The following SP4 variants were observed in gnomAD, a reference collection of about 807,000 sequenced individuals.
SP4 encodes Sp4 transcription factor, also known as transcription factor Sp4.
SP4 carries 19 observed loss-of-function variants against 72.8 expected under a neutral mutation model. The observed-to-expected ratio is 0.26, with a 90% CI of 0.18 to 0.38. The LOEUF (loss-of-function observed/expected upper bound fraction) is 0.38. Ranked by LOEUF, SP4 falls within the 10% of genes least tolerant of loss-of-function variation. SP4 has a pLI of 1.00. For synonymous variants in SP4, 395 were observed against 333.1 expected (o/e 1.19, Z -2.02); for missense variants, 1,008 against 926.3 (o/e 1.09, Z -1.14).
chr7:21,481,883 A>G lies in SP4; in HGVS notation c.1908-41A>G, dbSNP rs752866909. On this transcript the variant is annotated intron_variant, in intron 4 of 5. Transcript: ENST00000222584. Reference sequence around the variant, plus strand: ...ATTTTTCTATAATTGTAAACCTACTATTTGGCAGTGTAATTAATGTTCGGT... The same window carrying G: ...ATTTTTCTATAATTGTAAACCTACTGTTTGGCAGTGTAATTAATGTTCGGT... The G allele has an allele frequency of 3.7e-6, 5 of 1,345,938 alleles. No individual in the cohort carries two copies. The South Asian group carries it at 4.7e-5, about 13-fold the overall frequency. The allele number at this position is 1,345,938 out of a possible 1,614,324, so 83.4% of individuals were successfully genotyped here.
At chr7:21,489,034 C>T (rs949006592) in intron 5 of SP4, among the ~76,000 whole-genome samples, 2 of 152,116 alleles carry the variant, frequency 1.3e-5, no homozygotes, top group African/African-American at 4.8e-5. Flanking sequence ...AATTCTTTTT[C>T]ACCAGCTAAG....
chr7:21,462,863 G>A (rs1784039899), intron 3 of SP4, among the ~76,000 whole-genome samples: 1 of 152,192 alleles, frequency 6.6e-6, no homozygotes, highest in Non-Finnish European at 1.5e-5. Flanking sequence ...AGAGTATTGA[G>A]AAAAGTTCAG....
Position 21,455,326 on chromosome 7 carries a change from A to G in SP4, c.1679-21753A>G, listed in dbSNP as rs186646247. On this transcript the variant is annotated intron_variant, in intron 3 of 5. Transcript: ENST00000222584. ...TTTGTCCAGTTTATTTTTAGGCCAA[A>G]CAGTATTACAAAGGAAAACTAGTTT... Among the ~76,000 whole-genome samples the G allele has an allele frequency of 9.2e-4, 140 of 152,304 alleles. 1 individual carries two copies. The highest frequency in any genetic ancestry group is 2.2e-4 in the Non-Finnish European group (15 of 68,040).
chr7:21,428,524 C>A (rs1177258611), intron 1 of SP4, among the ~76,000 whole-genome samples, 153 bp from the exon 2 acceptor site: 17 of 152,156 alleles, frequency 1.1e-4, no homozygotes, highest in Admixed American at 1.1e-3. Context: ...TCCCTTCCCT[C>A]CTTCTCCCCC....
intron 3 of SP4, among the ~76,000 whole-genome samples, chr7:21,447,396 C>T (rs1488583790): frequency 6.6e-6 from 1 of 152,176 alleles, no homozygotes; most frequent in Non-Finnish European, 1.5e-5. Context: ...ACTTGGACTT[C>T]TGGTTAGTGT....
chr7:21,463,609 A>G (rs1784069782), intron 3 of SP4, among the ~76,000 whole-genome samples: 1 of 152,210 alleles, frequency 6.6e-6, no homozygotes, highest in Non-Finnish European at 1.5e-5. Context: ...TGAGTTCAAA[A>G]ATAAACGGAG....
intron 5 of SP4, among the ~76,000 whole-genome samples, chr7:21,484,913 C>G (rs534322568): frequency 6.6e-6 from 1 of 151,802 alleles, no homozygotes; most frequent in East Asian, 1.9e-4. Context: ...TGGGGCATAT[C>G]TTTAAAAAAA....
At chr7:21,495,683 A>G (rs1363734703) in intron 5 of SP4, among the ~76,000 whole-genome samples, 1 of 152,190 alleles carries the variant, frequency 6.6e-6, no homozygotes, top group Non-Finnish European at 1.5e-5. Flanking sequence ...GCCTTTGGAA[A>G]CTAGTTTGGC....
At position 21,511,146 on chromosome 7, in the gene SP4, G is replaced by A. The variant is rs559385908; in HGVS notation, c.2232G>A (p.Ser744=). ...GGGTALAIVT[S]GELDSSVTEV... ...GGACAGCTCTTGCCATTGTTACCTC[G>A]GGAGAACTGGACTCATCTGTTACAG... The change falls in exon 6 of 6, where the codon TCG becomes TCA. Residue 744 remains serine (S), a synonymous_variant. Coordinates refer to ENST00000222584, the MANE Select transcript of SP4 (RefSeq NM_003112.5). The A allele has an allele frequency of 6.8e-6, 11 of 1,614,004 alleles. No individual in the cohort carries two copies. The highest frequency in any genetic ancestry group is 2.7e-5 in the African/African-American group (2 of 74,898).
intron 3 of SP4, among the ~76,000 whole-genome samples, chr7:21,432,097 G>A (rs1782879163): frequency 6.6e-6 from 1 of 152,170 alleles, no homozygotes; most frequent in African/African-American, 2.4e-5. Flanking sequence ...AGCTACATGT[G>A]GCTGTTAAGC....
At chr7:21,491,750 A>C (rs560908986) in intron 5 of SP4, among the ~76,000 whole-genome samples, 1 of 152,342 alleles carries the variant, frequency 6.6e-6, no homozygotes, top group East Asian at 1.9e-4. Context: ...ATCAACTATC[A>C]ACTCACCATT....
intron 3 of SP4, among the ~76,000 whole-genome samples, chr7:21,460,565 A>G (rs914561020): frequency 4.6e-5 from 7 of 152,170 alleles, no homozygotes; most frequent in Admixed American, 2.6e-4. Flanking sequence ...GCGGGTTGCC[A>G]CTGCTGGCTC....
chr7:21,450,968 A>G (rs1234261378), intron 3 of SP4, among the ~76,000 whole-genome samples: 1 of 152,192 alleles, frequency 6.6e-6, no homozygotes, highest in Non-Finnish European at 1.5e-5. Flanking sequence ...ATGAGAGTCA[A>G]GTGTGTGGTT....
chr7:21,476,959 A>T (rs932520752), intron 3 of SP4, 120 bp from the exon 4 acceptor site: 2 of 677,950 alleles, frequency 3.0e-6, no homozygotes, highest in Admixed American at 2.9e-5. Flanking sequence ...TTAACCCCTT[A>T]GTTTTTGTAC....
Position 21,490,668 on chromosome 7 carries a change from G to T in SP4, c.2107+8545G>T, listed in dbSNP as rs141488426. On this transcript the variant is annotated intron_variant, in intron 5 of 5. Transcript: ENST00000222584. Reference sequence around the variant, plus strand: ...GATATAAAAGATGCTTCCTAATTCTGTGTGTAGATCAAAAGAAGTCCTGGG... The same window carrying T: ...GATATAAAAGATGCTTCCTAATTCTTTGTGTAGATCAAAAGAAGTCCTGGG... Among the ~76,000 whole-genome samples the T allele has an allele frequency of 9.3e-3, 1,418 of 152,250 alleles. 25 individuals are homozygous for T. Among genetic ancestry groups the T allele is most frequent in the African/African-American group, 0.032 (1,322 of 41,554 alleles).
chr7:21,466,266 T>A (rs1784164907), intron 3 of SP4, among the ~76,000 whole-genome samples: 1 of 152,204 alleles, frequency 6.6e-6, no homozygotes, highest in Admixed American at 6.5e-5. Context: ...TATGAATAAA[T>A]CTCACTTCTA....
intron 3 of SP4, among the ~76,000 whole-genome samples, chr7:21,445,056 A>G (rs546994900): frequency 2.5e-4 from 38 of 152,316 alleles, no homozygotes; most frequent in African/African-American, 8.2e-4. Flanking sequence ...ATTTGAGGCT[A>G]GTAATAACAT....
chr7:21,504,630 C>A (rs1340403807), intron 5 of SP4, among the ~76,000 whole-genome samples: 3 of 152,192 alleles, frequency 2.0e-5, no homozygotes, highest in Non-Finnish European at 4.4e-5. Context: ...GATCTCCTCT[C>A]CTTTCCATAG....
intron 3 of SP4, among the ~76,000 whole-genome samples, chr7:21,445,988 ATGTGTGTGTG>A (rs4000966): frequency 0.029 from 4,129 of 143,056 alleles, 87 homozygotes; most frequent in East Asian, 0.077. Context: ...TCTTATGTGT[ATGTGTGTGTG>A]TGTGTGTGTG....
Sources: gnomAD v4.1 joint callset for allele counts (sites outside exome capture counted in the v4.1 genomes callset) on GRCh38, gnomAD v4.1.1 for gene constraint, MANE v1.5 for transcripts, NCBI Gene and HGNC (gene_info 2026-07-23, HGNC 2026-07-21) for gene names.